The following L2HGDH variants were observed in gnomAD, a reference collection of about 807,000 sequenced individuals.
L2HGDH encodes L-2-hydroxyglutarate dehydrogenase.
Under a neutral mutation model 51.5 loss-of-function variants are expected in L2HGDH, and 34 were observed. The observed-to-expected ratio is 0.66, with a 90% CI of 0.50 to 0.88. L2HGDH has a LOEUF of 0.88. Ranked by LOEUF, L2HGDH falls within the 40% of genes least tolerant of loss-of-function variation. The pLI is 0.00. For missense variants in L2HGDH, 558 were observed against 571.9 expected (o/e 0.98, Z 0.25); for synonymous variants, 198 against 197.9 (o/e 1.00, Z -0.01).
At chr14:50,289,366 C>G (rs554179667) in intron 4 of L2HGDH, among the ~76,000 whole-genome samples, 10 of 152,260 alleles carry the variant, frequency 6.6e-5, no homozygotes, top group African/African-American at 2.4e-4. Context: ...GAAGAATACA[C>G]ATAACTAAAT....
At chr14:50,260,269 TA>T (rs907717087) in intron 9 of L2HGDH, among the ~76,000 whole-genome samples, 4 of 151,410 alleles carry the variant, frequency 2.6e-5, no homozygotes, top group African/African-American at 9.7e-5. Context: ...CAAGAGCCCC[TA>T]GGGGGCCTTA....
chr14:50,258,610 C>T (rs1888812691), intron 9 of L2HGDH, among the ~76,000 whole-genome samples: 1 of 151,844 alleles, frequency 6.6e-6, no homozygotes, highest in Non-Finnish European at 1.5e-5. Context: ...AACTCCTGGG[C>T]TCAAGCAATC....
chr14:50,260,679 T>C (rs1014717098), intron 9 of L2HGDH, among the ~76,000 whole-genome samples: 4 of 152,194 alleles, frequency 2.6e-5, no homozygotes, highest in Non-Finnish European at 4.4e-5. Context: ...TATTACTATT[T>C]TGTAGTGTGA....
Position 50,245,687 on chromosome 14 carries a change from G to C in L2HGDH, c.*1371C>G. On this transcript the variant is annotated 3_prime_UTR_variant, in exon 10 of 10. Coordinates refer to ENST00000267436, the MANE Select transcript of L2HGDH (RefSeq NM_024884.3). ...ATATAATGTATTTTCTTGTCTATGA[G>C]AGACCAAACGAGCTTAGGTAGCGTA... is the stretch of plus-strand genomic sequence containing the variant. The C allele has an allele frequency of 1.0e-6, 1 of 984,630 alleles. No individual in the cohort carries two copies. The highest frequency in any genetic ancestry group is 1.2e-6 in the Non-Finnish European group (1 of 829,346). 61.0% of individuals were successfully genotyped at this position (984,630 alleles called of 1,614,324 possible).
chr14:50,305,312 G>C (rs537598083), intron 1 of L2HGDH, among the ~76,000 whole-genome samples: 1 of 152,302 alleles, frequency 6.6e-6, no homozygotes, highest in East Asian at 1.9e-4. Context: ...CTTTTAAAAA[G>C]AGAGGGCATA....
intron 9 of L2HGDH, among the ~76,000 whole-genome samples, chr14:50,257,548 T>C (rs1050716700): frequency 6.6e-6 from 1 of 151,956 alleles, no homozygotes; most frequent in Admixed American, 6.6e-5. Flanking sequence ...TTTTAAAACT[T>C]TTTGTAGAGA....
At chr14:50,252,425 A>T (rs1022753560) in intron 9 of L2HGDH, among the ~76,000 whole-genome samples, 1 of 152,076 alleles carries the variant, frequency 6.6e-6, no homozygotes, top group Non-Finnish European at 1.5e-5. Flanking sequence ...GTCCTTACTT[A>T]TCAATAATAA....
chr14:50,243,608 C>A lies in L2HGDH; in HGVS notation c.*3450G>T. The A allele has an allele frequency of 1.2e-6, 1 of 803,146 alleles. No homozygotes were observed. The highest frequency in any genetic ancestry group is 1.9e-5 in the African/African-American group (1 of 53,742). The allele number at this position is 803,146 out of a possible 1,614,324, so 49.8% of individuals were successfully genotyped here. A position where few individuals can be genotyped will look rare whatever the true frequency, so the allele number is the denominator to read the frequency against. ...ATAAAACGTTTTACAAGCAGAATAACCTACATATTCAAAACACTTTCAACA... is the reference window on the plus strand; with the variant it reads ...ATAAAACGTTTTACAAGCAGAATAAACTACATATTCAAAACACTTTCAACA... On this transcript the variant is annotated 3_prime_UTR_variant, in exon 10 of 10. Coordinates refer to ENST00000267436, the MANE Select transcript of L2HGDH (RefSeq NM_024884.3).
chr14:50,266,488 C>T (rs565078875), intron 8 of L2HGDH, among the ~76,000 whole-genome samples: 1 of 152,130 alleles, frequency 6.6e-6, no homozygotes, highest in African/African-American at 2.4e-5. Flanking sequence ...ACAGAAAACA[C>T]AAAAATTATC....
chr14:50,303,843 C>T (rs954114380), intron 1 of L2HGDH, among the ~76,000 whole-genome samples: 2 of 134,130 alleles, frequency 1.5e-5, no homozygotes, highest in Admixed American at 7.4e-5. Context: ...AAAAGTTATA[C>T]GCATCACTGG....
rs73275188 is a variant in L2HGDH, at chr14:50,270,257, C to A, written c.739-927G>T. On this transcript the variant is annotated intron_variant, in intron 6 of 9. Coordinates refer to ENST00000267436, the MANE Select transcript of L2HGDH (RefSeq NM_024884.3). ...ATAAATTTTATTTTGTGATTATCATCTGCTTATTTTTAACTTTACTCACTA... is the reference window on the plus strand; with the variant it reads ...ATAAATTTTATTTTGTGATTATCATATGCTTATTTTTAACTTTACTCACTA... Among the ~76,000 whole-genome samples the A allele has an allele frequency of 1.3e-3, 205 of 152,304 alleles. 2 individuals carry two copies. Among genetic ancestry groups the A allele is most frequent in the African/African-American group, 4.6e-3 (193 of 41,584 alleles).
chr14:50,302,885 A>G lies in L2HGDH; in HGVS notation c.256+17T>C, dbSNP rs2030495946. ...TGCCCAAGTAAGCCCAAAGAACAAC[A>G]TTGATTATATACATACCTAAATCTT... On this transcript the variant is annotated intron_variant, in intron 2 of 9. Transcript: ENST00000267436. 1 of 1,534,490 alleles carries G rather than the reference A, an allele frequency of 6.5e-7. No individual in the cohort carries two copies. The highest frequency in any genetic ancestry group is 1.1e-5 in the South Asian group (1 of 89,408).
intron 5 of L2HGDH, chr14:50,282,363 T>G (rs1176990509): frequency 2.3e-6 from 1 of 437,874 alleles, no homozygotes; most frequent in Admixed American, 2.5e-5. Flanking sequence ...GCCTCTTAGC[T>G]TCCACCTTCC....
At chr14:50,281,128 C>G (rs139676485) in intron 5 of L2HGDH, among the ~76,000 whole-genome samples, 2 of 151,928 alleles carry the variant, frequency 1.3e-5, no homozygotes, top group East Asian at 3.9e-4. Flanking sequence ...GTCCAGACTT[C>G]TAAGGGAGAG....
At chr14:50,259,437 G>A (rs534997306) in intron 9 of L2HGDH, among the ~76,000 whole-genome samples, 11 of 143,150 alleles carry the variant, frequency 7.7e-5, no homozygotes, top group Middle Eastern at 3.9e-3. Context: ...TGTTGCCAAG[G>A]CTGCCCAAGC....
intron 3 of L2HGDH, among the ~76,000 whole-genome samples, chr14:50,297,927 C>A (rs1209641126): frequency 8.4e-6 from 1 of 118,666 alleles, no homozygotes; most frequent in African/African-American, 3.2e-5. Flanking sequence ...GGAGGGAGAT[C>A]CTAACTCAAA....
chr14:50,287,918 G>A (rs1014431080), intron 4 of L2HGDH, among the ~76,000 whole-genome samples: 5 of 151,692 alleles, frequency 3.3e-5, no homozygotes, highest in African/African-American at 1.2e-4. Flanking sequence ...GGCTGATCTC[G>A]AATTCCTGAC....
intron 3 of L2HGDH, among the ~76,000 whole-genome samples, chr14:50,295,772 CTT>C (rs949239897): frequency 3.6e-5 from 5 of 137,052 alleles, no homozygotes; most frequent in African/African-American, 1.4e-4. Context: ...TAATTTCGCT[CTT>C]GTCACCCAGG....
At chr14:50,306,283 T>C (rs1287803252) in intron 1 of L2HGDH, among the ~76,000 whole-genome samples, 1 of 152,062 alleles carries the variant, frequency 6.6e-6, no homozygotes, top group Non-Finnish European at 1.5e-5. Flanking sequence ...TCTCTTGACC[T>C]CGTGATCCGC....
Sources: allele counts gnomAD v4.1 joint callset (sites outside exome capture counted in the v4.1 genomes callset), GRCh38; gene constraint gnomAD v4.1.1; transcripts MANE v1.5; gene names NCBI Gene and HGNC (gene_info 2026-07-23, HGNC 2026-07-21).